ZNF69: variants seen among roughly 807,000 people sequenced by gnomAD.
ZNF69 encodes zinc finger protein 69.
ZNF69 carries 47 observed loss-of-function variants against 50.9 expected under a neutral mutation model. The ratio of observed to expected loss-of-function variants is 0.92; its 90% CI spans 0.73 to 1.18. The LOEUF is 1.18. Among genes scored for constraint, ZNF69 ranks in the 50% most tolerant of loss-of-function variants. ZNF69 has a pLI of 0.00. For missense variants in ZNF69, 717 were observed against 675.1 expected, an observed-to-expected ratio of 1.06 and a Z score of -0.69; for synonymous variants, 216 against 223.1, an observed-to-expected ratio of 0.97 and a Z score of 0.29.
chr19:11,892,432 T>C (rs1025325063), intron 1 of ZNF69, among the ~76,000 whole-genome samples: 1 of 151,854 alleles, frequency 6.6e-6, no homozygotes, highest in Non-Finnish European at 1.5e-5. Flanking sequence ...TGTGAGAAAG[T>C]TAAGAGGGAA....
rs775215392 is a variant in ZNF69 at position 11,905,319 on chromosome 19, G to C, written c.922G>C (p.Glu308Gln). 7 of 1,614,004 alleles carry C rather than the reference G, an allele frequency of 4.3e-6. No homozygotes were observed. The African/African-American group carries it at 8.0e-5, about 18-fold the overall frequency. The change falls in exon 4 of 4, where the codon GAA becomes CAA. Residue 308 changes from glutamate (E) to glutamine (Q), a missense_variant. By Grantham distance (29) the Glu-to-Gln change is conservative (BLOSUM62 2). Transcript: ENST00000429654. ...HTGEKAYQCK[E>Q]CGKAFTCPQY... ...GGGAGAGAAGGCTTATCAATGTAAG[G>C]AATGTGGAAAAGCATTCACGTGTCC...
At chr19:11,974,523 C>T in the ZNF69 span, among the ~76,000 whole-genome samples, 41 of 146,688 alleles carry the variant, frequency 2.8e-4, no homozygotes, top group Non-Finnish European at 3.7e-4. Flanking sequence ...TAATAACATG[C>T]AATGTTGAGC....
the ZNF69 span, among the ~76,000 whole-genome samples, chr19:11,966,720 A>T: frequency 3.0e-4 from 46 of 152,144 alleles, no homozygotes; most frequent in Non-Finnish European, 6.0e-4. Context: ...GGCTTTTATA[A>T]GGTACATGAG....
At chr19:11,941,294 C>T in the ZNF69 span, among the ~76,000 whole-genome samples, 4 of 152,236 alleles carry the variant, frequency 2.6e-5, no homozygotes, top group Admixed American at 6.5e-5. Context: ...GCCATGCGCC[C>T]GCACTCCTCA....
At chr19:11,937,885 C>T in the ZNF69 span, among the ~76,000 whole-genome samples, 2 of 152,020 alleles carry the variant, frequency 1.3e-5, no homozygotes, top group Admixed American at 1.3e-4. Context: ...AGATATTAAC[C>T]CATTTATGCT....
At chr19:11,935,167 C>G in the ZNF69 span, among the ~76,000 whole-genome samples, 3 of 130,152 alleles carry the variant, frequency 2.3e-5, no homozygotes, top group Non-Finnish European at 4.8e-5. Flanking sequence ...CAGAGCGAGA[C>G]TCCGTCTCAA....
At chr19:11,967,832 G>A in the ZNF69 span, among the ~76,000 whole-genome samples, 1 of 152,250 alleles carries the variant, frequency 6.6e-6, no homozygotes, top group Non-Finnish European at 1.5e-5. Flanking sequence ...TCTTGTCTAT[G>A]TAAAGACTAA....
At position 11,905,966 on chromosome 19, in the gene ZNF69, C is replaced by T; in HGVS notation, c.1569C>T (p.Tyr523=). Residue 523 remains tyrosine (Y), a synonymous_variant, in exon 4 of 4, where the codon TAC becomes TAT. Transcript: ENST00000429654. ...EAFSSSSSFR[Y]HERTHTGEKP... is the part of the protein sequence containing the mutation. ...TCAGTAGTTCCAGTTCCTTTCGATA[C>T]CATGAAAGGACTCACACTGGAGAGA... 1.3e-6 allele frequency: 2 copies of T among 1,597,006 alleles called. No individual in the cohort carries two copies. Among genetic ancestry groups the T allele is most frequent in the Non-Finnish European group, 8.5e-7 (1 of 1,173,148 alleles).
the ZNF69 span, among the ~76,000 whole-genome samples, chr19:11,976,440 C>G: frequency 6.6e-6 from 1 of 151,006 alleles, no homozygotes; most frequent in African/African-American, 2.4e-5. Flanking sequence ...CCTGTGGTCT[C>G]AGCTACTCAG....
the ZNF69 span, among the ~76,000 whole-genome samples, chr19:11,935,233 GTTT>G: frequency 1.1e-4 from 10 of 93,212 alleles, no homozygotes; most frequent in South Asian, 3.5e-4. Context: ...GAAAGATCTT[GTTT>G]TTTTTTTTTT....
the ZNF69 span, among the ~76,000 whole-genome samples, chr19:11,970,487 C>G: frequency 6.6e-6 from 1 of 152,176 alleles, no homozygotes; most frequent in Non-Finnish European, 1.5e-5. Flanking sequence ...TTCACTGTAA[C>G]AGGTAACTCT....
chr19:11,919,732 C>T, the ZNF69 span, among the ~76,000 whole-genome samples: 3 of 152,160 alleles, frequency 2.0e-5, no homozygotes, highest in African/African-American at 7.2e-5. Context: ...TCTGTCTCTC[C>T]AGCATGTGAG....
the ZNF69 span, chr19:11,965,232 G>A: frequency 1.2e-6 from 2 of 1,613,962 alleles, no homozygotes. Flanking sequence ...ATAGCCGGTT[G>A]TCCCGAGACG....
At chr19:11,978,852 A>G in the ZNF69 span, 3 of 1,614,234 alleles carry the variant, frequency 1.9e-6, no homozygotes, top group African/African-American at 4.0e-5. Context: ...CACTGGGGAG[A>G]AGCCCTGTGA....
At chr19:11,939,136 A>G in the ZNF69 span, among the ~76,000 whole-genome samples, 1 of 152,218 alleles carries the variant, frequency 6.6e-6, no homozygotes, top group Non-Finnish European at 1.5e-5. Flanking sequence ...GCCCTTTGTC[A>G]GATGGGTAGA....
At position 11,905,377 on chromosome 19, in the gene ZNF69, C is replaced by A; in HGVS notation, c.980C>A (p.Ser327Tyr). ...QYVRIHERTH[S>Y]RKKPYECTQC... is the part of the protein sequence containing the mutation. ...GTTCGTATACATGAAAGGACCCACT[C>A]TAGGAAAAAACCCTATGAATGTACG... Residue 327 changes from serine (S) to tyrosine (Y), a missense_variant, in exon 4 of 4, where the codon TCT (serine) becomes TAT (tyrosine). By Grantham distance (144) the Ser-to-Tyr change is moderately radical. Transcript: ENST00000429654. 1 of 1,614,166 alleles carries A rather than the reference C, an allele frequency of 6.2e-7. No individual in the cohort carries two copies.
At chr19:11,946,671 G>A in the ZNF69 span, 1 of 152,402 alleles carries the variant, frequency 6.6e-6, no homozygotes, top group Non-Finnish European at 1.5e-5. Context: ...ATGCTGGCCA[G>A]TCTGTCTCAC....
At chr19:11,944,772 G>A in the ZNF69 span, among the ~76,000 whole-genome samples, 1 of 152,228 alleles carries the variant, frequency 6.6e-6, no homozygotes, top group Non-Finnish European at 1.5e-5. Flanking sequence ...CTTGCATTGT[G>A]TTGTTGGCAG....
chr19:11,951,195 T>C, the ZNF69 span, among the ~76,000 whole-genome samples: 2 of 149,978 alleles, frequency 1.3e-5, no homozygotes, highest in South Asian at 2.1e-4. Flanking sequence ...TTCATGCTTA[T>C]GTACTTATTT....
Sources: gnomAD v4.1 joint callset for allele counts (sites outside exome capture counted in the v4.1 genomes callset) on GRCh38, gnomAD v4.1.1 for gene constraint, MANE v1.5 for transcripts, NCBI Gene and HGNC (gene_info 2026-07-23, HGNC 2026-07-21) for gene names.